FBXO34: variants seen among roughly 807,000 people sequenced by gnomAD.
FBXO34 encodes F-box protein 34.
Under a neutral mutation model 24.5 loss-of-function variants are expected in FBXO34, and 12 were observed. That is an observed-to-expected ratio of 0.49 (90% CI 0.31 to 0.79). The LOEUF (loss-of-function observed/expected upper bound fraction) is 0.79. FBXO34 is among the 30% of genes least tolerant of loss of function. FBXO34 has a pLI of 0.04. For missense variants in FBXO34, 823 were observed against 857.7 expected (o/e 0.96, Z 0.51); for synonymous variants, 320 against 311.9 (o/e 1.03, Z -0.27).
At chr14:55,391,122 C>G in the FBXO34 span, 1 of 611,594 alleles carries the variant, frequency 1.6e-6, no homozygotes, top group African/African-American at 1.9e-5. Context: ...TATGTTATAG[C>G]TTTTGTAACT....
chr14:55,299,025 G>A (rs1882245724), intron 1 of FBXO34: 1 of 1,607,698 alleles, frequency 6.2e-7, no homozygotes, highest in Non-Finnish European at 8.5e-7. Context: ...TGACCAGCAA[G>A]AACTTGGGGA....
chr14:55,282,397 C>G, intron 1 of FBXO34: 2 of 387,148 alleles, frequency 5.2e-6, no homozygotes, highest in Non-Finnish European at 1.0e-5. Flanking sequence ...ATTCATTTAG[C>G]ACACATTGGA....
At chr14:55,287,513 A>G (rs1416001195) in intron 1 of FBXO34, among the ~76,000 whole-genome samples, 1 of 152,220 alleles carries the variant, frequency 6.6e-6, no homozygotes, top group Non-Finnish European at 1.5e-5. Flanking sequence ...GTAACTAAGC[A>G]CAATAGCATC....
intron 1 of FBXO34, among the ~76,000 whole-genome samples, chr14:55,337,223 C>T (rs1189325285): frequency 6.6e-6 from 1 of 152,190 alleles, no homozygotes; most frequent in Non-Finnish European, 1.5e-5. Context: ...ATTCACTCAC[C>T]TTAGCCTCCC....
the FBXO34 span, among the ~76,000 whole-genome samples, chr14:55,417,535 C>T: frequency 1.3e-5 from 2 of 151,254 alleles, no homozygotes; most frequent in Non-Finnish European, 2.9e-5. Context: ...CTCACTGCAA[C>T]CTCTGCCTCC....
At chr14:55,424,693 A>C in the FBXO34 span, among the ~76,000 whole-genome samples, 1 of 152,366 alleles carries the variant, frequency 6.6e-6, no homozygotes, top group East Asian at 1.9e-4. Flanking sequence ...ATAGAACCTA[A>C]AAATATTTCT....
At chr14:55,432,529 AAAAC>A in the FBXO34 span, among the ~76,000 whole-genome samples, 5 of 136,970 alleles carry the variant, frequency 3.7e-5, no homozygotes, top group South Asian at 8.5e-4. Context: ...TAACAAAACA[AAAAC>A]AAAAGATAAA....
chr14:55,405,883 G>A, the FBXO34 span, among the ~76,000 whole-genome samples: 2 of 151,990 alleles, frequency 1.3e-5, no homozygotes, highest in African/African-American at 2.4e-5. Context: ...CCTGGGGGTG[G>A]GGTGGCGGGG....
At chr14:55,387,559 A>G in the FBXO34 span, among the ~76,000 whole-genome samples, 1 of 152,160 alleles carries the variant, frequency 6.6e-6, no homozygotes, top group Admixed American at 6.5e-5. Flanking sequence ...CTGTCTCCTA[A>G]CTAGGGTATA....
At chr14:55,390,311 T>A in the FBXO34 span, among the ~76,000 whole-genome samples, 1 of 152,112 alleles carries the variant, frequency 6.6e-6, no homozygotes, top group Non-Finnish European at 1.5e-5. Context: ...CCTCAGGTGA[T>A]CCACTCCCCT....
chr14:55,318,495 GGTT>G (rs1318095855), intron 1 of FBXO34, among the ~76,000 whole-genome samples: 1 of 140,170 alleles, frequency 7.1e-6, no homozygotes, highest in Non-Finnish European at 1.5e-5. Flanking sequence ...ATCTATATGT[GGTT>G]GTTCAACTAC....
the FBXO34 span, chr14:55,428,985 G>T: frequency 6.2e-7 from 1 of 1,613,510 alleles, no homozygotes; most frequent in Non-Finnish European, 8.5e-7. Flanking sequence ...CTGGGGAGGG[G>T]CAAATATGTT....
the FBXO34 span, among the ~76,000 whole-genome samples, chr14:55,407,087 G>A: frequency 0.29 from 43,762 of 151,534 alleles, 6,444 homozygotes; most frequent in East Asian, 0.47. Context: ...TCAGCTTCCC[G>A]AGTAGCTGGG....
chr14:55,310,973 T>C (rs1228380776), intron 1 of FBXO34, among the ~76,000 whole-genome samples: 1 of 152,030 alleles, frequency 6.6e-6, no homozygotes, highest in African/African-American at 2.4e-5. Flanking sequence ...ACCTGACATA[T>C]ATAAAGACAA....
At chr14:55,285,946 C>G (rs1881747167) in intron 1 of FBXO34, among the ~76,000 whole-genome samples, 1 of 152,098 alleles carries the variant, frequency 6.6e-6, no homozygotes, top group Non-Finnish European at 1.5e-5. Flanking sequence ...TCTTTGTTTC[C>G]CATAGAATCA....
chr14:55,291,193 G>A (rs976038262), intron 1 of FBXO34, among the ~76,000 whole-genome samples: 4 of 152,000 alleles, frequency 2.6e-5, no homozygotes, highest in Non-Finnish European at 4.4e-5. Flanking sequence ...ATTTGCAGTT[G>A]GACAATACAC....
intron 1 of FBXO34, among the ~76,000 whole-genome samples, chr14:55,279,343 A>G (rs1013531178): frequency 2.0e-5 from 3 of 151,918 alleles, no homozygotes; most frequent in Admixed American, 6.6e-5. Context: ...CCAAGTGGTG[A>G]TGAGTATTAT....
At chr14:55,342,716 T>C (rs1368579165) in intron 1 of FBXO34, among the ~76,000 whole-genome samples, 2 of 152,230 alleles carry the variant, frequency 1.3e-5, no homozygotes, top group East Asian at 3.8e-4. Context: ...TATATGCTTT[T>C]AGATTAGTAT....
chr14:55,413,198 A>G, the FBXO34 span, among the ~76,000 whole-genome samples: 166 of 152,300 alleles, frequency 1.1e-3, 1 homozygote, highest in African/African-American at 3.8e-3. Context: ...AAACAAAAGG[A>G]TTATTTTTTA....
Sources: gnomAD v4.1 joint callset for allele counts (sites outside exome capture counted in the v4.1 genomes callset) on GRCh38, gnomAD v4.1.1 for gene constraint, MANE v1.5 for transcripts, NCBI Gene and HGNC (gene_info 2026-07-23, HGNC 2026-07-21) for gene names.